Variants in ELAC2 observed in about 807,000 individuals in gnomAD.
ELAC2 encodes elaC ribonuclease Z 2, also known as zinc phosphodiesterase ELAC protein 2.
In ELAC2, 92 loss-of-function variants were observed where a neutral mutation model predicts 105.2. The observed-to-expected ratio is 0.87, with a 90% CI of 0.74 to 1.04. The LOEUF is 1.04. Ranked by LOEUF, ELAC2 falls within the 50% of genes least tolerant of loss-of-function variation. ELAC2 has a pLI of 0.00. For synonymous variants in ELAC2, 468 were observed against 409.1 expected (o/e 1.14, Z -1.74); for missense variants, 1,099 against 1,071.7 (o/e 1.03, Z -0.36).
intron 10 of ELAC2, 149 bp from the exon 11 acceptor site, chr17:13,005,250 C>A: frequency 1.4e-6 from 1 of 713,876 alleles, no homozygotes; most frequent in Non-Finnish European, 2.5e-6. Flanking sequence ...TCACCATCAA[C>A]ACCCTTCTGG....
At chr17:12,998,603 G>T in intron 15 of ELAC2, 95 bp from the exon 16 acceptor site, 4 of 1,201,576 alleles carry the variant, frequency 3.3e-6, no homozygotes, top group Non-Finnish European at 4.9e-6. Flanking sequence ...AGTGTCATTG[G>T]TTTGTCCCCA....
chr17:12,994,401 C>A, intron 22 of ELAC2, 24 bp downstream of exon 22: 1 of 1,613,808 alleles, frequency 6.2e-7, no homozygotes, highest in Non-Finnish European at 8.5e-7. Flanking sequence ...ATGTGGGCGA[C>A]AAGGACTGAC....
chr17:12,992,957 C>G lies in ELAC2; in HGVS notation c.2342G>C (p.Arg781Pro). Residue 781 changes from arginine to proline, a missense_variant, in exon 24 of 24, where the codon CGC (arginine) becomes CCC (proline). Arg to Pro is a moderately radical substitution (Grantham distance 103, BLOSUM62 -2). Transcript: ENST00000338034. The part of the protein sequence containing the change: ...FAGDIEEMEE[R>P]REKRELRQVR... ...CTGCCGCAGCTCCCGCTTCTCCCTG[C>G]GCTCCTCCATCTCCTCGATGTCGCC... The G allele has an allele frequency of 6.2e-7, 1 of 1,611,198 alleles. No individual in the cohort carries two copies. The highest frequency in any genetic ancestry group is 8.5e-7 in the Non-Finnish European group (1 of 1,180,022).
In ELAC2 at chr17:12,996,576, C is replaced by A; in HGVS notation, c.1630G>T (p.Val544Leu). 1 of 1,614,034 alleles carries A rather than the reference C, an allele frequency of 6.2e-7. No homozygotes were observed. Among genetic ancestry groups the A allele is most frequent in the Non-Finnish European group, 8.5e-7 (1 of 1,180,036 alleles). Residue 544 changes from valine to leucine, a missense_variant, in exon 17 of 24, where the codon GTG becomes TTG. Coordinates refer to ENST00000338034, the MANE Select transcript of ELAC2 (RefSeq NM_018127.7). ...TGGTGATCTGCGTGCAGGTGGGACA[C>A]AAACACAGCAGCCAGGGTGCCCAGG... is the stretch of plus-strand genomic sequence containing the variant. ...RVLGTLAAVF[V>L]SHLHADHHTG...
chr17:13,010,474 TCAG>T, intron 8 of ELAC2, 136 bp downstream of exon 8: 1 of 808,870 alleles, frequency 1.2e-6, no homozygotes, highest in East Asian at 2.7e-5. Flanking sequence ...CGGCCTTCCA[TCAG>T]CTTTTCTGAA....
Position 13,018,004 on chromosome 17 carries a change from G to T in ELAC2, c.-57C>A. On this transcript the variant is annotated 5_prime_UTR_variant, in exon 1 of 24. Coordinates refer to ENST00000338034, the MANE Select transcript of ELAC2 (RefSeq NM_018127.7). ...CCGGTCACCTACGCCCGCGTTTCCCGTGCACCACCTAGCCGCTCCGCATGG... is the reference window on the plus strand; with the variant it reads ...CCGGTCACCTACGCCCGCGTTTCCCTTGCACCACCTAGCCGCTCCGCATGG... The T allele has an allele frequency of 6.5e-7, 1 of 1,533,482 alleles. No homozygotes were observed. The highest frequency in any genetic ancestry group is 8.7e-7 in the Non-Finnish European group (1 of 1,146,452). The allele number at this position is 1,533,482 out of a possible 1,614,324, so 95.0% of individuals were successfully genotyped here. A position where few individuals can be genotyped will look rare whatever the true frequency, so the allele number is the denominator to read the frequency against.
chr17:13,010,688 T>C lies in ELAC2; in HGVS notation c.680-17A>G. On this transcript the variant is annotated splice_polypyrimidine_tract_variant and intron_variant, in intron 7 of 23. Coordinates refer to ENST00000338034, the MANE Select transcript of ELAC2 (RefSeq NM_018127.7). ...GGCTAACACCTGAGGAAAAACACAC[T>C]TGATTATCACAAGGTAAATGTGAAA... 6.2e-7 allele frequency: 1 copy of C among 1,612,190 alleles called. No homozygotes were observed. The highest frequency in any genetic ancestry group is 8.5e-7 in the Non-Finnish European group (1 of 1,178,338).
At chr17:13,011,518 A>G (rs1032963075) in intron 7 of ELAC2, 145 bp downstream of exon 7, 145 of 1,383,360 alleles carry the variant, frequency 1.0e-4, no homozygotes, top group Non-Finnish European at 1.4e-4. Context: ...CATTCCCCCA[A>G]CGGGCCAAGT....
chr17:12,994,467 AG>A lies in ELAC2; in HGVS notation c.2065del (p.Leu689TrpfsTer27). 6.2e-7 allele frequency: 1 copy of A among 1,614,202 alleles called. No homozygotes were observed. Among genetic ancestry groups the A allele is most frequent in the Non-Finnish European group, 8.5e-7 (1 of 1,180,040 alleles). On this transcript the variant is annotated frameshift_variant, in exon 22 of 24. Transcript: ENST00000338034. LOFTEE classifies it high-confidence loss of function. The stretch of plus-strand genomic sequence containing the variant: ...TGCTTCCTCTTCCAAACCATCTTCC[AG>A]GGTGGCTTCATGTATCAGGAGGGTG... ...DATLLIHEAT[L>X]EDGLEEEAVE... is the part of the protein sequence containing the mutation.
chr17:13,004,911 T>C, intron 11 of ELAC2, 78 bp downstream of exon 11: 2 of 1,137,096 alleles, frequency 1.8e-6, no homozygotes, highest in South Asian at 1.2e-5. Flanking sequence ...GAAACACAGC[T>C]CTTGCCACAA....
rs779483057 is a variant in ELAC2, at chr17:13,015,775, G to A, written c.425C>T (p.Pro142Leu). 6.2e-7 allele frequency: 1 copy of A among 1,613,294 alleles called. No individual in the cohort carries two copies. Among genetic ancestry groups the A allele is most frequent in the East Asian group, 2.2e-5 (1 of 44,874 alleles). ...GLPKCVLSGP[P>L]QLEKYLEAIK... ...GTGTCAGGAAAGACTCACCAGTTGT[G>A]GAGGTCCAGAAAGTACACACTTTGG... The change falls in exon 4 of 24, where the codon CCA becomes CTA. Residue 142 changes from proline (P) to leucine (L), a missense_variant. Physicochemically the swap from Pro to Leu is moderately conservative, Grantham distance 98. Transcript: ENST00000338034.
In ELAC2 at chr17:12,994,425, C is replaced by G; in HGVS notation, c.2108G>C (p.Ser703Thr). 1 of 1,614,170 alleles carries G rather than the reference C, an allele frequency of 6.2e-7. No individual in the cohort carries two copies. Among genetic ancestry groups the G allele is most frequent in the Non-Finnish European group, 8.5e-7 (1 of 1,180,022 alleles). ...ACAAGGACTGACCGGCCTTTGCTAC[C>G]TGTGTGTCTTTTCCACTGCTTCCTC... ...LEEEAVEKTH[S>T]TTSQAISVGM... The change falls in exon 22 of 24, where the codon AGC becomes ACC. Residue 703 changes from serine (S) to threonine (T), a missense_variant and splice_region_variant. Physicochemically the swap from Ser to Thr is moderately conservative, Grantham distance 58. Transcript: ENST00000338034.
At chr17:13,013,333 G>C (rs2041532337) in intron 5 of ELAC2, 58 bp from the exon 6 acceptor site, 1 of 1,583,590 alleles carries the variant, frequency 6.3e-7, no homozygotes, top group Non-Finnish European at 8.6e-7. Flanking sequence ...TGTGGGAAGA[G>C]TAACTTCAGG....
At chr17:13,017,624 G>A (rs2041818456) in intron 1 of ELAC2, 79 bp downstream of exon 1, 1 of 1,604,436 alleles carries the variant, frequency 6.2e-7, no homozygotes, top group Non-Finnish European at 8.5e-7. Flanking sequence ...GGAAGCCGAA[G>A]CCCTGGGAGG....
At chr17:13,010,531 C>T in intron 8 of ELAC2, 82 bp downstream of exon 8, 2 of 1,328,388 alleles carry the variant, frequency 1.5e-6, no homozygotes, top group East Asian at 2.3e-5. Context: ...AGTGCCTACC[C>T]TCAAATTAAT....
In ELAC2 at chr17:13,009,990, C is replaced by CAAAAAAAAAAAA. The variant is rs1157775345; in HGVS notation, c.738+611_738+622dup. ...TAGGCGATGGAGACAGACATGGTCTCAAAAAAAAAAAAAAAAAATGTACGG... is the reference window on the plus strand; with the variant it reads ...TAGGCGATGGAGACAGACATGGTCTCAAAAAAAAAAAAAAAAAAAAAAAAAAAAAATGTACGG... On this transcript the variant is annotated intron_variant, in intron 8 of 23. Transcript: ENST00000338034. 1.0e-3 allele frequency among the ~76,000 whole-genome samples: 79 copies of CAAAAAAAAAAAA among 76,154 alleles called. 1 individual carries two copies. The highest frequency in any genetic ancestry group is 3.9e-3 in the African/African-American group (72 of 18,600). 50.0% of individuals were successfully genotyped at this position (76,154 alleles called of 152,430 possible).
chr17:13,013,952 A>G (rs1249907261), intron 5 of ELAC2, among the ~76,000 whole-genome samples: 1 of 151,754 alleles, frequency 6.6e-6, no homozygotes, highest in Non-Finnish European at 1.5e-5. Context: ...CTGTTCAATC[A>G]CTCCTGCCGA....
At chr17:13,007,074 G>A (rs1416030623) in intron 8 of ELAC2, among the ~76,000 whole-genome samples, 2 of 150,928 alleles carry the variant, frequency 1.3e-5, no homozygotes, top group Admixed American at 6.6e-5. Context: ...TCGTGCCACT[G>A]CACTCCAGCC....
intron 16 of ELAC2, among the ~76,000 whole-genome samples, chr17:12,997,037 G>T (rs1310896039): frequency 6.6e-6 from 1 of 151,966 alleles, no homozygotes; most frequent in Non-Finnish European, 1.5e-5. Flanking sequence ...AGCCTCTGTT[G>T]AAAATACCAG....
Sources: allele counts gnomAD v4.1 joint callset (sites outside exome capture counted in the v4.1 genomes callset), GRCh38; gene constraint gnomAD v4.1.1; transcripts MANE v1.5; gene names NCBI Gene and HGNC (gene_info 2026-07-23, HGNC 2026-07-21).